GMDS: variants seen among roughly 807,000 people sequenced by gnomAD.
The protein encoded by GMDS is GDP-mannose 4,6 dehydratase.
In GMDS, 20 loss-of-function variants were observed where a neutral mutation model predicts 49.9. The ratio of observed to expected loss-of-function variants is 0.40; its 90% CI spans 0.28 to 0.58. GMDS has a LOEUF of 0.58. Among genes scored for constraint, GMDS ranks in the 20% least tolerant of loss-of-function variants. The pLI, the probability that GMDS is intolerant of heterozygous loss-of-function variation, is 0.42. For synonymous variants in GMDS, 177 were observed against 178.6 expected (o/e 0.99, Z 0.07); for missense variants, 362 against 481.4 (o/e 0.75, Z 2.32).
intron 1 of GMDS, among the ~76,000 whole-genome samples, chr6:2,159,506 C>CTTTTTTTTTTTTTTTTTTT (rs968406886): frequency 7.4e-6 from 1 of 134,946 alleles, no homozygotes. Context: ...TTCAATATTT[C>CTTTTTTTTTTTTTTTTTTT]TTTTTTTCTT....
In GMDS at chr6:1,640,381, C is replaced by T. The variant is rs994989908; in HGVS notation, c.988-15841G>A. ...CTTGGTGTCCTCATCCTCAGGCATG[C>T]CACACCTGCAGGTGTGTTATGCACC... On this transcript the variant is annotated intron_variant, in intron 9 of 10. Transcript: ENST00000380815. The surrounding 1 kb of genome is among the most constrained non-coding windows in gnomAD (Gnocchi z 4.0). Among the ~76,000 whole-genome samples the T allele has an allele frequency of 6.6e-6, 1 of 152,120 alleles. No individual in the cohort carries two copies. The highest frequency in any genetic ancestry group is 1.5e-5 in the Non-Finnish European group (1 of 68,024).
intron 9 of GMDS, among the ~76,000 whole-genome samples, chr6:1,661,390 G>C (rs1581425831): frequency 6.6e-6 from 1 of 152,170 alleles, no homozygotes; most frequent in Admixed American, 6.5e-5. Context: ...CATCTTCAAA[G>C]CTCACTACAA....
chr6:1,785,557 G>C (rs1034131005), intron 7 of GMDS, among the ~76,000 whole-genome samples: 1 of 152,154 alleles, frequency 6.6e-6, no homozygotes, highest in Non-Finnish European at 1.5e-5. Flanking sequence ...CGCCACGTGG[G>C]CCCCCTTGGG....
At position 1,677,523 on chromosome 6, in the gene GMDS, A is replaced by G. The variant is rs570204739; in HGVS notation, c.987+48893T>C. ...TATGTTTATTGTGGCACTATTCACA[A>G]TAGCAAAGACTTGGAACCAACCCAA... On this transcript the variant is annotated intron_variant, in intron 9 of 10. Transcript: ENST00000380815. 1.2e-4 allele frequency among the ~76,000 whole-genome samples: 18 copies of G among 152,250 alleles called. 1 individual carries two copies. The East Asian group carries it at 2.5e-3, about 21-fold the overall frequency.
At chr6:1,877,163 G>A (rs1759111388) in intron 7 of GMDS, among the ~76,000 whole-genome samples, 1 of 152,074 alleles carries the variant, frequency 6.6e-6, no homozygotes, top group Non-Finnish European at 1.5e-5. Context: ...AACAGCCAGA[G>A]GCACAGAAGT....
intron 4 of GMDS, among the ~76,000 whole-genome samples, chr6:2,031,131 G>A (rs560727431): frequency 7.2e-5 from 11 of 152,114 alleles, no homozygotes; most frequent in African/African-American, 2.7e-4. Context: ...CTGTTAACAC[G>A]CACATCCTGA....
At chr6:2,156,313 T>C (rs1465399036) in intron 1 of GMDS, among the ~76,000 whole-genome samples, 2 of 152,164 alleles carry the variant, frequency 1.3e-5, no homozygotes, top group Non-Finnish European at 2.9e-5. Context: ...CCTATGGTAA[T>C]GCAATTATCT....
chr6:2,068,717 A>T (rs2127456437), intron 4 of GMDS, among the ~76,000 whole-genome samples: 2 of 152,330 alleles, frequency 1.3e-5, no homozygotes, highest in African/African-American at 4.8e-5. Context: ...AAGGGATGTG[A>T]AGGACCTCTT....
intron 7 of GMDS, among the ~76,000 whole-genome samples, chr6:1,773,597 C>T (rs1768672416): frequency 1.3e-5 from 2 of 152,138 alleles, no homozygotes; most frequent in Admixed American, 1.3e-4. Flanking sequence ...GAGAAGGGCT[C>T]GACTGGCTCG....
At position 1,758,070 on chromosome 6, in the gene GMDS, C is replaced by T. The variant is rs12529743; in HGVS notation, c.772-15484G>A. 9.5e-3 allele frequency among the ~76,000 whole-genome samples: 1,451 copies of T among 152,306 alleles called. 78 individuals are homozygous for T. Among genetic ancestry groups the T allele is most frequent in the Admixed American group, 0.082 (1,255 of 15,294 alleles). On this transcript the variant is annotated intron_variant, in intron 7 of 10. Transcript: ENST00000380815. ...CAGACACACAAGGCTGTGGCTACCA[C>T]GCTGGGCTGCGTGGGGCTACAGAGC...
intron 4 of GMDS, among the ~76,000 whole-genome samples, chr6:2,113,925 T>TA (rs890285422): frequency 3.3e-5 from 5 of 151,914 alleles, no homozygotes; most frequent in African/African-American, 1.2e-4. Context: ...CAAAATACCA[T>TA]AAAAAAAGAT....
At chr6:1,697,264 C>T (rs1481958294) in intron 9 of GMDS, among the ~76,000 whole-genome samples, 1 of 152,220 alleles carries the variant, frequency 6.6e-6, no homozygotes, top group African/African-American at 2.4e-5. Context: ...TGGGGCAACA[C>T]ACTCACAGCC....
chr6:2,076,474 T>C (rs1238000913), intron 4 of GMDS, among the ~76,000 whole-genome samples: 1 of 152,138 alleles, frequency 6.6e-6, no homozygotes, highest in Non-Finnish European at 1.5e-5. Context: ...GCCAAAAGAA[T>C]AATGCTGGAG....
intron 6 of GMDS, among the ~76,000 whole-genome samples, chr6:1,938,111 G>A (rs1051891746): frequency 7.2e-5 from 11 of 152,078 alleles, no homozygotes; most frequent in African/African-American, 1.4e-4. Context: ...CATTCCTTTC[G>A]TGAGCATAAT....
At chr6:2,168,212 C>T (rs531367944) in intron 1 of GMDS, among the ~76,000 whole-genome samples, 2 of 152,332 alleles carry the variant, frequency 1.3e-5, no homozygotes, top group African/African-American at 4.8e-5. Context: ...AACAGTCATG[C>T]TCCAATTCTT....
At chr6:1,965,076 CCA>C (rs1764190003) in intron 4 of GMDS, among the ~76,000 whole-genome samples, 1 of 23,358 alleles carries the variant, frequency 4.3e-5, no homozygotes, top group East Asian at 1.6e-3. Flanking sequence ...TATCGTTGTT[CCA>C]GGTCTTTGGG....
At position 2,017,967 on chromosome 6, in the gene GMDS, T is replaced by C. The variant is rs369824377; in HGVS notation, c.346-57001A>G. Reference sequence around the variant, plus strand: ...TATACTTGGTAAAGAATTAAGCTTATCTTGTTTTTTAAAAATAGAAATAAT... The same window carrying C: ...TATACTTGGTAAAGAATTAAGCTTACCTTGTTTTTTAAAAATAGAAATAAT... On this transcript the variant is annotated intron_variant, in intron 4 of 10. Coordinates refer to ENST00000380815, the MANE Select transcript of GMDS (RefSeq NM_001500.4). Among the ~76,000 whole-genome samples the C allele has an allele frequency of 4.6e-4, 70 of 152,284 alleles. No individual in the cohort carries two copies. In the South Asian group the frequency reaches 0.014, roughly 31 times the overall value.
At chr6:1,781,083 C>G (rs572244657) in intron 7 of GMDS, among the ~76,000 whole-genome samples, 1 of 151,956 alleles carries the variant, frequency 6.6e-6, no homozygotes, top group Non-Finnish European at 1.5e-5. Flanking sequence ...TGGGAAAACA[C>G]GATTGCAAGA....
At position 2,044,257 on chromosome 6, in the gene GMDS, G is replaced by A. The variant is rs568738539; in HGVS notation, c.345+71514C>T. On this transcript the variant is annotated intron_variant, in intron 4 of 10. Coordinates refer to ENST00000380815, the MANE Select transcript of GMDS (RefSeq NM_001500.4). ...AAATAACTCTATCATAAAGACACAT[G>A]CACGCATATGTTCACTGCAGCACTA... is the stretch of plus-strand genomic sequence containing the variant. Among the ~76,000 whole-genome samples, 13 of 152,282 alleles carry A rather than the reference G, an allele frequency of 8.5e-5. No individual in the cohort carries two copies. The South Asian group carries it at 2.5e-3, about 29-fold the overall frequency.
Sources: gnomAD v4.1 joint callset for allele counts (sites outside exome capture counted in the v4.1 genomes callset) on GRCh38, gnomAD v4.1.1 for gene constraint, Gnocchi (gnomAD v3.1) non-coding constraint, MANE v1.5 for transcripts, NCBI Gene and HGNC (gene_info 2026-07-23, HGNC 2026-07-21) for gene names.